The following DNAH9 variants were observed in gnomAD, a reference collection of about 807,000 sequenced individuals.
DNAH9 encodes dynein axonemal heavy chain 9.
A neutral mutation model predicts 471.6 loss-of-function variants in DNAH9; 345 were observed. The observed-to-expected ratio is 0.73, with a 90% confidence interval of 0.67 to 0.80. The LOEUF (loss-of-function observed/expected upper bound fraction) is 0.80, where lower values mean the gene tolerates loss of function less well. DNAH9 is among the 30% of genes least tolerant of loss of function. The probability of loss-of-function intolerance (pLI) is 0.00; values close to 1 mark genes in which losing one functional copy is unlikely to be tolerated. For missense variants in DNAH9, 5,407 were observed against 5,609.2 expected (o/e 0.96, Z 1.15); for synonymous variants, 2,093 against 2,123.6 (o/e 0.99, Z 0.40).
chr17:11,830,654 G>A (rs4534889), intron 48 of DNAH9, among the ~76,000 whole-genome samples: 48,606 of 151,978 alleles, frequency 0.32, 7,949 homozygotes, highest in East Asian at 0.44. Flanking sequence ...ATTACATGAT[G>A]TCGTTATCAA....
chr17:11,680,837 G>C lies in DNAH9; in HGVS notation c.3691G>C (p.Asp1231His), dbSNP rs1238499660. 1 of 1,613,660 alleles carries C rather than the reference G, an allele frequency of 6.2e-7. No individual in the cohort carries two copies. The highest frequency in any genetic ancestry group is 8.5e-7 in the Non-Finnish European group (1 of 1,179,812). Residue 1231 changes from aspartate to histidine, a missense_variant, in exon 19 of 69, where the codon GAT (aspartate) becomes CAT (histidine). Around this residue, in one of 3 missense-constraint regions of DNAH9, gnomAD observed 4,636 missense variants for 4,900.3 expected, o/e 0.95. Coordinates refer to ENST00000262442, the MANE Select transcript of DNAH9 (RefSeq NM_001372.4). ...TLLRQRCTAF[D>H]AEQQQFWEQF... ...CCTCCGCCAGAGGTGCACAGCCTTC[G>C]ATGCAGAACAGCAGCAATTCTGGGA...
chr17:11,893,241 A>C (rs1378186845), intron 58 of DNAH9, among the ~76,000 whole-genome samples: 1 of 151,566 alleles, frequency 6.6e-6, no homozygotes, highest in Non-Finnish European at 1.5e-5. Context: ...AAACTAAGCC[A>C]AAGGCTTTTC....
At chr17:11,778,329 C>CA (rs57983162) in intron 38 of DNAH9, among the ~76,000 whole-genome samples, 1,477 of 48,572 alleles carry the variant, frequency 0.03, 89 homozygotes, top group Middle Eastern at 0.053. Context: ...GACTCCATCT[C>CA]AAAAAAAAAA....
intron 20 of DNAH9, among the ~76,000 whole-genome samples, chr17:11,691,237 A>AG (rs1306581077): frequency 6.6e-6 from 1 of 152,234 alleles, no homozygotes. Flanking sequence ...GTATATTTGC[A>AG]GTGAAAAGTA....
chr17:11,714,744 G>T (rs1401303371), intron 26 of DNAH9, among the ~76,000 whole-genome samples: 1 of 152,200 alleles, frequency 6.6e-6, no homozygotes, highest in Non-Finnish European at 1.5e-5. Flanking sequence ...TTTGAGGCAT[G>T]AGAAGAATTT....
chr17:11,777,714 C>T (rs1047575708), intron 38 of DNAH9, among the ~76,000 whole-genome samples: 9 of 152,142 alleles, frequency 5.9e-5, no homozygotes, highest in Non-Finnish European at 7.4e-5. Flanking sequence ...TATTATAAAC[C>T]GCAAGGTTGG....
chr17:11,925,126 A>T, intron 62 of DNAH9: 1 of 448,266 alleles, frequency 2.2e-6, no homozygotes. Flanking sequence ...GACATGGTTT[A>T]TTTTATGACT....
In DNAH9 at chr17:11,815,089, T is replaced by C. The variant is rs35384914; in HGVS notation, c.8707+4720T>C. Among the ~76,000 whole-genome samples the C allele has an allele frequency of 5.1e-3, 783 of 152,274 alleles. 5 individuals are homozygous for C. The highest frequency in any genetic ancestry group is 7.4e-3 in the Non-Finnish European group (504 of 68,020). ...CCTCAAACCACAGACAGTGGAACTTTAAACCAGGACCGGTTTGGTTCTCCA... is the reference window on the plus strand; with the variant it reads ...CCTCAAACCACAGACAGTGGAACTTCAAACCAGGACCGGTTTGGTTCTCCA... On this transcript the variant is annotated intron_variant, in intron 45 of 68. Coordinates refer to ENST00000262442, the MANE Select transcript of DNAH9 (RefSeq NM_001372.4).
chr17:11,633,534 A>C (rs1395761104), intron 8 of DNAH9, among the ~76,000 whole-genome samples: 1 of 152,242 alleles, frequency 6.6e-6, no homozygotes, highest in Non-Finnish European at 1.5e-5. Flanking sequence ...TTGGTAACCC[A>C]AATGCGGCAG....
At chr17:11,964,637 T>C (rs1976536781) in intron 68 of DNAH9, among the ~76,000 whole-genome samples, 1 of 152,180 alleles carries the variant, frequency 6.6e-6, no homozygotes, top group Admixed American at 6.5e-5. Context: ...CCAAAGGCTT[T>C]CAGCAATCCA....
intron 53 of DNAH9, chr17:11,875,970 G>T (rs1242083282): frequency 1.3e-5 from 2 of 151,956 alleles, no homozygotes; most frequent in Non-Finnish European, 2.9e-5. Context: ...TGGTGTTAGA[G>T]GTTTTATCTC....
chr17:11,814,233 A>G (rs1304090714), intron 45 of DNAH9, among the ~76,000 whole-genome samples: 4 of 151,938 alleles, frequency 2.6e-5, no homozygotes, highest in Admixed American at 1.3e-4. Flanking sequence ...ATTTAGAGGG[A>G]AAAAAAATCA....
intron 61 of DNAH9, among the ~76,000 whole-genome samples, chr17:11,915,538 AACAC>A (rs1973923128): frequency 6.7e-6 from 1 of 148,370 alleles, no homozygotes; most frequent in Admixed American, 6.8e-5. Context: ...AACAAACACA[AACAC>A]ACACAAACAA....
intron 67 of DNAH9, among the ~76,000 whole-genome samples, chr17:11,943,502 C>A (rs1001796219): frequency 1.3e-5 from 2 of 151,944 alleles, no homozygotes; most frequent in African/African-American, 4.8e-5. Flanking sequence ...CACGGTGAAA[C>A]CCCGTCTCTA....
intron 35 of DNAH9, among the ~76,000 whole-genome samples, chr17:11,762,326 G>A (rs995071243): frequency 6.6e-6 from 1 of 152,160 alleles, no homozygotes; most frequent in Non-Finnish European, 1.5e-5. Context: ...ACTTCATCCT[G>A]TGGGAGGTGG....
chr17:11,917,176 G>A (rs953774905), intron 61 of DNAH9, among the ~76,000 whole-genome samples: 3 of 151,872 alleles, frequency 2.0e-5, no homozygotes, highest in Non-Finnish European at 4.4e-5. Flanking sequence ...TTTTTGAGAC[G>A]GAGCTTTGCT....
At chr17:11,609,869 T>G (rs1358503002) in intron 2 of DNAH9, among the ~76,000 whole-genome samples, 1 of 152,222 alleles carries the variant, frequency 6.6e-6, no homozygotes, top group Non-Finnish European at 1.5e-5. Flanking sequence ...GGAAATAAAC[T>G]ATTTCCTCTT....
chr17:11,607,950 CT>C (rs1387705962), intron 1 of DNAH9, among the ~76,000 whole-genome samples, 178 bp from the exon 2 acceptor site: 1 of 152,194 alleles, frequency 6.6e-6, no homozygotes, highest in Non-Finnish European at 1.5e-5. Flanking sequence ...TATTCAAGGG[CT>C]TCCCCAATTT....
chr17:11,918,243 TTG>T (rs139551554), intron 61 of DNAH9, among the ~76,000 whole-genome samples: 27,148 of 147,904 alleles, frequency 0.18, 2,481 homozygotes, highest in East Asian at 0.26. Context: ...TTGTTTTGTT[TTG>T]TTTTGAGACA....
Sources: gnomAD v4.1 joint callset for allele counts (sites outside exome capture counted in the v4.1 genomes callset) on GRCh38, gnomAD v4.1.1 for gene constraint, gnomAD v4.1.1 regional missense constraint, MANE v1.5 for transcripts, NCBI Gene and HGNC (gene_info 2026-07-23, HGNC 2026-07-21) for gene names.